The following KIAA1549L variants were observed in gnomAD, a reference collection of about 807,000 sequenced individuals.
KIAA1549L encodes the protein UPF0606 protein KIAA1549L.
A neutral mutation model predicts 160.7 loss-of-function variants in KIAA1549L; 88 were observed. That is an observed-to-expected ratio of 0.55 (90% CI 0.46 to 0.65). The LOEUF is 0.65. KIAA1549L is among the 30% of genes least tolerant of loss of function. The pLI, the probability that KIAA1549L is intolerant of heterozygous loss-of-function variation, is 0.00. For missense variants in KIAA1549L, 2,258 were observed against 2,437.5 expected, an observed-to-expected ratio of 0.93 and a Z score of 1.55; for synonymous variants, 950 against 976.7, an observed-to-expected ratio of 0.97 and a Z score of 0.51.
At chr11:33,599,706 T>C (rs1251419954) in intron 13 of KIAA1549L, among the ~76,000 whole-genome samples, 1 of 152,198 alleles carries the variant, frequency 6.6e-6, no homozygotes, top group Non-Finnish European at 1.5e-5. Context: ...CAGCTCCCTC[T>C]CCTGTTCCCA....
chr11:33,628,563 C>A (rs59679647), intron 16 of KIAA1549L, among the ~76,000 whole-genome samples: 14,395 of 145,004 alleles, frequency 0.099, 2,478 homozygotes, highest in African/African-American at 0.35. Context: ...CTCTTTTGAT[C>A]TTTGTTGGTT....
intron 1 of KIAA1549L, among the ~76,000 whole-genome samples, chr11:33,402,142 CTT>C (rs2134067022): frequency 6.6e-6 from 1 of 152,332 alleles, no homozygotes; most frequent in African/African-American, 2.4e-5. Context: ...CTTATGGACA[CTT>C]CAGCTAGGTG....
intron 1 of KIAA1549L, among the ~76,000 whole-genome samples, chr11:33,534,717 A>G (rs1052146902): frequency 3.9e-5 from 6 of 152,120 alleles, no homozygotes; most frequent in Admixed American, 3.3e-4. Flanking sequence ...CTCAGGTGCT[A>G]TGTTACAATC....
intron 1 of KIAA1549L, among the ~76,000 whole-genome samples, chr11:33,485,741 T>A (rs1325592302): frequency 1.3e-5 from 2 of 152,190 alleles, no homozygotes; most frequent in Non-Finnish European, 2.9e-5. Flanking sequence ...GTATTCTTCT[T>A]GACTGAAATT....
At chr11:33,567,606 A>G (rs2133232172) in intron 8 of KIAA1549L, among the ~76,000 whole-genome samples, 1 of 152,340 alleles carries the variant, frequency 6.6e-6, no homozygotes, top group South Asian at 2.1e-4. Flanking sequence ...GACAAGGCAA[A>G]ATAAAATAGG....
intron 1 of KIAA1549L, among the ~76,000 whole-genome samples, chr11:33,525,874 C>A (rs1423570183): frequency 1.3e-5 from 2 of 151,988 alleles, no homozygotes; most frequent in Non-Finnish European, 2.9e-5. Context: ...ACCTGTATGA[C>A]ACAGCAGAGG....
chr11:33,537,244 G>A (rs1368614940), intron 1 of KIAA1549L, among the ~76,000 whole-genome samples: 1 of 152,186 alleles, frequency 6.6e-6, no homozygotes, highest in African/African-American at 2.4e-5. Context: ...TCAGGGATGT[G>A]CTTTCTGACC....
chr11:33,533,952 G>T (rs184961414), intron 1 of KIAA1549L, among the ~76,000 whole-genome samples: 2 of 152,088 alleles, frequency 1.3e-5, no homozygotes, highest in African/African-American at 4.8e-5. Context: ...AAATACTGTC[G>T]GTCCAAACAC....
Position 33,614,531 on chromosome 11 carries a change from G to GCCATATAT in KIAA1549L, c.5280-4002_5280-4001insCCATATAT, listed in dbSNP as rs879500574. On this transcript the variant is annotated intron_variant, in intron 15 of 20. Coordinates refer to ENST00000658780, the MANE Select transcript of KIAA1549L (RefSeq NM_012194.3). ...CTCTTGGGATCTGTGAGTGTAACAA[G>GCCATATAT]ATATATATATATATATATATATATA... Among the ~76,000 whole-genome samples the GCCATATAT allele has an allele frequency of 1.3e-3, 36 of 27,116 alleles. 3 individuals are homozygous for GCCATATAT. The highest frequency in any genetic ancestry group is 2.7e-3 in the Admixed American group (4 of 1,500). 17.8% of individuals were successfully genotyped at this position (27,116 alleles called of 152,430 possible).
intron 1 of KIAA1549L, among the ~76,000 whole-genome samples, chr11:33,419,221 A>G (rs1044894671): frequency 1.3e-5 from 2 of 152,176 alleles, no homozygotes; most frequent in African/African-American, 4.8e-5. Context: ...CTCAACTTAG[A>G]AATAAAATGG....
chr11:33,413,328 A>C (rs1850820737), intron 1 of KIAA1549L, among the ~76,000 whole-genome samples: 1 of 150,878 alleles, frequency 6.6e-6, no homozygotes, highest in Non-Finnish European at 1.5e-5. Context: ...AATCCCAGCT[A>C]CTTAGGAGGC....
chr11:33,422,252 T>A (rs1404167241), intron 1 of KIAA1549L, among the ~76,000 whole-genome samples: 2 of 152,142 alleles, frequency 1.3e-5, no homozygotes, highest in African/African-American at 4.8e-5. Context: ...TTCATAAGCA[T>A]CCCAAGGTGA....
chr11:33,417,463 C>G (rs1356249718), intron 1 of KIAA1549L, among the ~76,000 whole-genome samples: 1 of 152,192 alleles, frequency 6.6e-6, no homozygotes, highest in Admixed American at 6.5e-5. Flanking sequence ...GATTTCATGA[C>G]TCACGAGTGG....
chr11:33,418,028 C>T (rs908351367), intron 1 of KIAA1549L, among the ~76,000 whole-genome samples: 1 of 152,248 alleles, frequency 6.6e-6, no homozygotes, highest in Admixed American at 6.5e-5. Flanking sequence ...ATCCGTCCAC[C>T]TCAGCCTCCC....
chr11:33,522,548 G>T (rs1303841933), intron 1 of KIAA1549L, among the ~76,000 whole-genome samples: 1 of 152,118 alleles, frequency 6.6e-6, no homozygotes, highest in Non-Finnish European at 1.5e-5. Flanking sequence ...GGGAGAAAAT[G>T]ATCAAGTACT....
chr11:33,467,862 G>A (rs1198477263), intron 1 of KIAA1549L, among the ~76,000 whole-genome samples: 1 of 152,096 alleles, frequency 6.6e-6, no homozygotes, highest in African/African-American at 2.4e-5. Flanking sequence ...ATAAGAAGGT[G>A]AAAAACTCTG....
In KIAA1549L at chr11:33,665,762, A is replaced by T. The variant is rs938740901; in HGVS notation, c.6160-2111A>T. ...CTGTCCGCCCCACCCCTTGCCATTC[A>T]TGGCCCTGGGGGCTTGTCCCCAACC... On this transcript the variant is annotated intron_variant, in intron 20 of 20. Coordinates refer to ENST00000658780, the MANE Select transcript of KIAA1549L (RefSeq NM_012194.3). Among the ~76,000 whole-genome samples, 14 of 151,926 alleles carry T rather than the reference A, an allele frequency of 9.2e-5. 1 individual carries two copies. The highest frequency in any genetic ancestry group is 8.5e-4 in the Admixed American group (13 of 15,296).
intron 1 of KIAA1549L, among the ~76,000 whole-genome samples, chr11:33,448,792 C>G (rs1590252954): frequency 6.6e-6 from 1 of 152,122 alleles, no homozygotes; most frequent in South Asian, 2.1e-4. Context: ...TGTGAAATAC[C>G]TCCTCAGTAG....
intron 16 of KIAA1549L, among the ~76,000 whole-genome samples, chr11:33,620,413 A>G (rs1850927214): frequency 6.6e-6 from 1 of 152,244 alleles, no homozygotes; most frequent in South Asian, 2.1e-4. Context: ...AATGGCTTTA[A>G]GAATTTAGAC....
Sources: gnomAD v4.1 joint callset for allele counts (sites outside exome capture counted in the v4.1 genomes callset) on GRCh38, gnomAD v4.1.1 for gene constraint, MANE v1.5 for transcripts, NCBI Gene and HGNC (gene_info 2026-07-23, HGNC 2026-07-21) for gene names.